Variants in URI1 observed in about 807,000 individuals in gnomAD.
URI1 encodes the protein unconventional prefoldin RPB5 interactor 1.
A neutral mutation model predicts 60.2 loss-of-function variants in URI1; 39 were observed. The ratio of observed to expected loss-of-function variants is 0.65; its 90% CI spans 0.50 to 0.85. The LOEUF (loss-of-function observed/expected upper bound fraction) is 0.85. Ranked by LOEUF, URI1 falls within the 40% of genes least tolerant of loss-of-function variation. URI1 has a pLI of 0.00. For synonymous variants in URI1, 251 were observed against 236.8 expected, an observed-to-expected ratio of 1.06 and a Z score of -0.55; for missense variants, 691 against 665.9, an observed-to-expected ratio of 1.04 and a Z score of -0.42.
rs192746242 is a variant in URI1, at chr19:29,989,650, T to A, written c.367+3233T>A. Among the ~76,000 whole-genome samples the A allele has an allele frequency of 4.9e-3, 744 of 152,284 alleles. 8 individuals carry two copies. The highest frequency in any genetic ancestry group is 0.017 in the African/African-American group (708 of 41,564). On this transcript the variant is annotated intron_variant, in intron 4 of 10. Coordinates refer to ENST00000392271, the MANE Select transcript of URI1 (RefSeq NM_003796.3). ...GTTGGTCAGGCTGGTCTTGAACTCC[T>A]GACCTCATGATCTGTCCGCCTTGTG...
intron 1 of URI1, among the ~76,000 whole-genome samples, chr19:29,968,226 A>G (rs2055412920): frequency 6.6e-6 from 1 of 152,220 alleles, no homozygotes; most frequent in African/African-American, 2.4e-5. Flanking sequence ...TGAAAATAAT[A>G]CAATAAGTTT....
intron 2 of URI1, among the ~76,000 whole-genome samples, chr19:29,972,343 C>T (rs1320084115): frequency 6.6e-6 from 1 of 152,070 alleles, no homozygotes; most frequent in Non-Finnish European, 1.5e-5. Flanking sequence ...ATGGACCATT[C>T]GCCTTTCATT....
At chr19:29,944,712 A>T (rs926413793) in intron 1 of URI1, among the ~76,000 whole-genome samples, 1 of 152,224 alleles carries the variant, frequency 6.6e-6, no homozygotes, top group African/African-American at 2.4e-5. Context: ...ATAACCACGT[A>T]TATCTGTCAT....
At chr19:29,965,680 C>T (rs1188091883) in intron 1 of URI1, among the ~76,000 whole-genome samples, 1 of 152,180 alleles carries the variant, frequency 6.6e-6, no homozygotes, top group East Asian at 1.9e-4. Flanking sequence ...AACATGTAAA[C>T]GTCTTCATTC....
chr19:29,941,389 T>TTCGC, upstream of URI1, among the ~76,000 whole-genome samples: 1 of 151,730 alleles, frequency 6.6e-6, no homozygotes, highest in Non-Finnish European at 1.5e-5. Flanking sequence ...AGACAGGAGG[T>TTCGC]TAGCTAAGAC....
intron 4 of URI1, among the ~76,000 whole-genome samples, chr19:30,001,760 T>G (rs913207640): frequency 6.6e-6 from 1 of 152,008 alleles, no homozygotes; most frequent in Non-Finnish European, 1.5e-5. Context: ...TTATCAGTTG[T>G]GCAGTTTCCA....
At chr19:29,979,723 T>A (rs907010802) in intron 2 of URI1, among the ~76,000 whole-genome samples, 1 of 151,906 alleles carries the variant, frequency 6.6e-6, no homozygotes, top group African/African-American at 2.4e-5. Context: ...TCATAAAATA[T>A]AAAGAACATA....
chr19:29,956,788 C>T (rs1375467208), intron 1 of URI1: 14 of 1,600,586 alleles, frequency 8.7e-6, no homozygotes, highest in Non-Finnish European at 1.1e-5. Context: ...GAACGGTAGC[C>T]AGTTCCTTTC....
chr19:29,939,062 C>T (rs955507756), upstream of URI1, among the ~76,000 whole-genome samples: 2 of 150,936 alleles, frequency 1.3e-5, no homozygotes, highest in African/African-American at 2.4e-5. Flanking sequence ...ACTGCAACCT[C>T]CACTTCCAGG....
chr19:29,966,141 T>G (rs747087571), intron 1 of URI1, among the ~76,000 whole-genome samples: 11 of 152,250 alleles, frequency 7.2e-5, no homozygotes, highest in East Asian at 3.9e-4. Context: ...GTGGTTGATT[T>G]ATTTATTTAT....
chr19:29,955,558 AAG>A (rs1177517858), intron 1 of URI1, among the ~76,000 whole-genome samples: 1 of 152,212 alleles, frequency 6.6e-6, no homozygotes, highest in African/African-American at 2.4e-5. Context: ...AAAAATACAT[AAG>A]AGAAATAGAA....
rs537970897 is a variant in URI1, at chr19:30,000,702, C to G, written c.368-4659C>G. On this transcript the variant is annotated intron_variant, in intron 4 of 10. Transcript: ENST00000392271. ...TAAAGCTTTGAGATTCCTTTTTGGT[C>G]CTTATTCCCCATGATCTGGAATACA... 1.2e-3 allele frequency among the ~76,000 whole-genome samples: 185 copies of G among 151,862 alleles called. 1 individual carries two copies. The highest frequency in any genetic ancestry group is 4.3e-3 in the African/African-American group (179 of 41,438).
intron 4 of URI1, among the ~76,000 whole-genome samples, chr19:29,990,926 T>G (rs550880101): frequency 6.6e-6 from 1 of 152,308 alleles, no homozygotes; most frequent in African/African-American, 2.4e-5. Flanking sequence ...TGTAATTGTG[T>G]TTTTGGACCA....
intron 1 of URI1, among the ~76,000 whole-genome samples, chr19:29,949,888 A>C (rs896466532): frequency 6.7e-6 from 1 of 149,374 alleles, no homozygotes; most frequent in Non-Finnish European, 1.5e-5. Flanking sequence ...TTGGCATCAG[A>C]GGGAGACCAT....
rs1418351083 is a variant in URI1 at position 29,942,573 on chromosome 19, C to T, written c.26C>T (p.Pro9Leu). Residue 9 changes from proline to leucine, a missense_variant, in exon 1 of 11, where the codon CCC becomes CTC. Coordinates refer to ENST00000392271, the MANE Select transcript of URI1 (RefSeq NM_003796.3). MEAPTVET[P>L]PDPSPPSAPA... ...ATGGAGGCGCCCACCGTGGAGACGCCCCCCGACCCCTCGCCCCCTTCGGCC... is the reference window on the plus strand; with the variant it reads ...ATGGAGGCGCCCACCGTGGAGACGCTCCCCGACCCCTCGCCCCCTTCGGCC... 1.4e-6 allele frequency: 2 copies of T among 1,423,620 alleles called. No homozygotes were observed. Among genetic ancestry groups the T allele is most frequent in the East Asian group, 3.0e-5 (1 of 33,046 alleles). The allele number at this position is 1,423,620 out of a possible 1,614,324, so 88.2% of individuals were successfully genotyped here.
At chr19:29,982,308 A>G (rs2055608875) in intron 2 of URI1, among the ~76,000 whole-genome samples, 1 of 152,236 alleles carries the variant, frequency 6.6e-6, no homozygotes, top group South Asian at 2.1e-4. Context: ...TTGAAAACTG[A>G]TTATATTTGA....
chr19:29,957,155 C>T (rs2055259231), intron 1 of URI1, among the ~76,000 whole-genome samples: 1 of 151,944 alleles, frequency 6.6e-6, no homozygotes, highest in Non-Finnish European at 1.5e-5. Flanking sequence ...AAATGGATTC[C>T]AAGTTTCTGT....
chr19:30,011,739 G>T (rs1486959800), intron 9 of URI1, among the ~76,000 whole-genome samples: 1 of 151,774 alleles, frequency 6.6e-6, no homozygotes, highest in Non-Finnish European at 1.5e-5. Flanking sequence ...GTATACGTGG[G>T]TCTAAAACTT....
chr19:29,973,749 G>A (rs1453192326), intron 2 of URI1, among the ~76,000 whole-genome samples: 2 of 152,086 alleles, frequency 1.3e-5, no homozygotes, highest in Admixed American at 6.5e-5. Context: ...TTTGGTGAAC[G>A]AAGAAATTTA....
Sources: allele counts gnomAD v4.1 joint callset (sites outside exome capture counted in the v4.1 genomes callset), GRCh38; gene constraint gnomAD v4.1.1; transcripts MANE v1.5; gene names NCBI Gene and HGNC (gene_info 2026-07-23, HGNC 2026-07-21).